The following CSMD1 variants were observed in gnomAD, a reference collection of about 807,000 sequenced individuals.
The protein encoded by CSMD1 is CUB and Sushi multiple domains 1.
A neutral mutation model predicts 417.5 loss-of-function variants in CSMD1; 213 were observed. The ratio of observed to expected loss-of-function variants is 0.51; its 90% CI spans 0.46 to 0.57. The LOEUF (loss-of-function observed/expected upper bound fraction) is 0.57. CSMD1 is among the 20% of genes least tolerant of loss of function. The pLI is 0.00. For missense variants in CSMD1, 6,923 were observed against 4,529.7 expected (o/e 1.53, Z -15.17); for synonymous variants, 2,862 against 1,736.8 (o/e 1.65, Z -16.11).
intron 3 of CSMD1, among the ~76,000 whole-genome samples, chr8:4,166,241 T>C (rs1263464882): frequency 6.6e-6 from 1 of 152,198 alleles, no homozygotes; most frequent in Non-Finnish European, 1.5e-5. Flanking sequence ...ATCCAGATTA[T>C]CATATCAATA....
chr8:4,139,025 G>A (rs1008881234), intron 3 of CSMD1, among the ~76,000 whole-genome samples: 12 of 152,272 alleles, frequency 7.9e-5, no homozygotes, highest in African/African-American at 2.6e-4. Context: ...GACATATGCT[G>A]CATGTTTCAG....
At chr8:3,489,744 A>T (rs1447033216) in intron 11 of CSMD1, among the ~76,000 whole-genome samples, 1 of 152,216 alleles carries the variant, frequency 6.6e-6, no homozygotes, top group African/African-American at 2.4e-5. Context: ...GAATTTTTAA[A>T]ACCGTATTTA....
intron 5 of CSMD1, among the ~76,000 whole-genome samples, chr8:3,977,331 C>A (rs1813511167): frequency 1.3e-5 from 2 of 152,124 alleles, no homozygotes; most frequent in East Asian, 1.9e-4. Context: ...CAATGTCCTG[C>A]CATACTCAGC....
intron 3 of CSMD1, among the ~76,000 whole-genome samples, chr8:4,373,228 T>G (rs78777490): frequency 6.6e-6 from 1 of 152,070 alleles, no homozygotes; most frequent in South Asian, 2.1e-4. Context: ...TCTGAGAAAC[T>G]ACCCCAGCCA....
chr8:4,205,776 A>G (rs1208325127), intron 3 of CSMD1, among the ~76,000 whole-genome samples: 1 of 152,064 alleles, frequency 6.6e-6, no homozygotes, highest in Non-Finnish European at 1.5e-5. Flanking sequence ...CATAGAAGAA[A>G]TAGATGCCTG....
chr8:3,721,961 C>T (rs976619966), intron 6 of CSMD1, among the ~76,000 whole-genome samples: 1 of 152,126 alleles, frequency 6.6e-6, no homozygotes, highest in African/African-American at 2.4e-5. Flanking sequence ...CGTCCTCATC[C>T]CTCACCTCCT....
chr8:3,419,539 T>C (rs968150871), intron 12 of CSMD1, among the ~76,000 whole-genome samples: 2 of 152,178 alleles, frequency 1.3e-5, no homozygotes, highest in African/African-American at 2.4e-5. Context: ...AGGAGGAGGA[T>C]ATTCAAGTAA....
intron 1 of CSMD1, among the ~76,000 whole-genome samples, chr8:4,735,866 A>G (rs1810200799): frequency 6.6e-6 from 1 of 152,196 alleles, no homozygotes; most frequent in African/African-American, 2.4e-5. Context: ...CCAGGGTCCA[A>G]GATTTACATA....
At chr8:4,121,045 A>C (rs1381336706) in intron 3 of CSMD1, among the ~76,000 whole-genome samples, 2 of 152,106 alleles carry the variant, frequency 1.3e-5, no homozygotes, top group Non-Finnish European at 2.9e-5. Flanking sequence ...TCCAGGAACA[A>C]AGGAGTTTCT....
intron 1 of CSMD1, among the ~76,000 whole-genome samples, chr8:4,769,921 TG>T (rs1404912668): frequency 1.3e-5 from 2 of 152,146 alleles, no homozygotes; most frequent in African/African-American, 4.8e-5. Flanking sequence ...CATGATTAAT[TG>T]GGATTAAAAA....
At chr8:3,271,621 C>G (rs1006522698) in intron 26 of CSMD1, among the ~76,000 whole-genome samples, 5 of 152,308 alleles carry the variant, frequency 3.3e-5, no homozygotes, top group Non-Finnish European at 5.9e-5. Flanking sequence ...GATTGCCATT[C>G]CAACTGGTGT....
At chr8:3,866,826 C>T (rs1377375610) in intron 5 of CSMD1, among the ~76,000 whole-genome samples, 1 of 152,086 alleles carries the variant, frequency 6.6e-6, no homozygotes, top group Non-Finnish European at 1.5e-5. Context: ...GACTTCAAAT[C>T]GGTATTAATC....
chr8:3,835,098 GAAC>G (rs1162001407), intron 5 of CSMD1, among the ~76,000 whole-genome samples: 1 of 148,934 alleles, frequency 6.7e-6, no homozygotes, highest in Non-Finnish European at 1.5e-5. Flanking sequence ...AGAGAAATAG[GAAC>G]ACTTTTACAC....
In CSMD1 at chr8:3,690,936, G is replaced by C. The variant is rs565748488; in HGVS notation, c.1009+17478C>G. On this transcript the variant is annotated intron_variant, in intron 7 of 69. Transcript: ENST00000635120. The stretch of plus-strand genomic sequence containing the variant: ...AAATTGAATAATTAAATAAATTAAA[G>C]TAAAAGTCGGCCCCATGATTTGACT... Among the ~76,000 whole-genome samples, 124 of 152,232 alleles carry C rather than the reference G, an allele frequency of 8.1e-4. 1 individual carries two copies. Among genetic ancestry groups the C allele is most frequent in the Admixed American group, 2.7e-3 (42 of 15,276 alleles).
intron 2 of CSMD1, among the ~76,000 whole-genome samples, chr8:4,463,276 G>C (rs1356469257): frequency 6.6e-6 from 1 of 151,904 alleles, no homozygotes; most frequent in South Asian, 2.1e-4. Context: ...CCATCAAAAA[G>C]ACAGTTAGTA....
intron 3 of CSMD1, among the ~76,000 whole-genome samples, chr8:4,377,853 T>G (rs1278990525): frequency 6.6e-6 from 1 of 152,236 alleles, no homozygotes; most frequent in Admixed American, 6.5e-5. Context: ...AGTATACTTC[T>G]GTAACTGTGA....
At chr8:3,411,909 CGT>C (rs1812771887) in intron 12 of CSMD1, among the ~76,000 whole-genome samples, 1 of 131,714 alleles carries the variant, frequency 7.6e-6, no homozygotes, top group Non-Finnish European at 1.6e-5. Context: ...TATATATACA[CGT>C]ATATATGCAC....
intron 1 of CSMD1, among the ~76,000 whole-genome samples, chr8:4,736,465 G>A (rs1415167596): frequency 6.6e-6 from 1 of 152,092 alleles, no homozygotes; most frequent in Non-Finnish European, 1.5e-5. Context: ...CCTCAGGTGG[G>A]CAAATACAAG....
At chr8:3,454,999 CTTTG>C (rs943225215) in intron 12 of CSMD1, among the ~76,000 whole-genome samples, 5 of 152,140 alleles carry the variant, frequency 3.3e-5, no homozygotes, top group East Asian at 1.9e-4. Flanking sequence ...TTCTTGGAGG[CTTTG>C]TTTGTTTCTT....
Sources: allele counts gnomAD v4.1 joint callset (sites outside exome capture counted in the v4.1 genomes callset), GRCh38; gene constraint gnomAD v4.1.1; transcripts MANE v1.5; gene names NCBI Gene and HGNC (gene_info 2026-07-23, HGNC 2026-07-21).